Variants in RNF8 observed in about 807,000 individuals in gnomAD.
The protein encoded by RNF8 is ring finger protein 8.
Under a neutral mutation model 59.3 loss-of-function variants are expected in RNF8, and 8 were observed. The ratio of observed to expected loss-of-function variants is 0.13; its 90% CI spans 0.08 to 0.24. The LOEUF (loss-of-function observed/expected upper bound fraction) is 0.24. Ranked by LOEUF, RNF8 falls within the 10% of genes least tolerant of loss-of-function variation. The pLI is 1.00. For synonymous variants in RNF8, 162 were observed against 200.0 expected, an observed-to-expected ratio of 0.81 and a Z score of 1.60; for missense variants, 406 against 572.6, an observed-to-expected ratio of 0.71 and a Z score of 2.97.
Position 37,392,912 on chromosome 6 carries a change from C to A in RNF8, c.*2154C>A. Reference sequence around the variant, plus strand: ...AAAGCAATCCTACCACCTTGGCCTCCCAAAGTGCTGAGATTACAGGCATGA... The same window carrying A: ...AAAGCAATCCTACCACCTTGGCCTCACAAAGTGCTGAGATTACAGGCATGA... On this transcript the variant is annotated 3_prime_UTR_variant, in exon 8 of 8. Transcript: ENST00000373479. The A allele has an allele frequency of 3.4e-6, 1 of 298,022 alleles. No homozygotes were observed. The highest frequency in any genetic ancestry group is 5.4e-5 in the East Asian group (1 of 18,442). 18.5% of individuals were successfully genotyped at this position (298,022 alleles called of 1,614,324 possible).
In RNF8 at chr6:37,376,998, C is replaced by T; in HGVS notation, c.1201C>T (p.Leu401Phe). Residue 401 changes from leucine (L) to phenylalanine (F), a missense_variant, in exon 6 of 8, where the codon CTC (leucine) becomes TTC (phenylalanine). Coordinates refer to ENST00000373479, the MANE Select transcript of RNF8 (RefSeq NM_003958.4). ...CATGAATGATGTGCTAGAGAATGAGCTCCAATGTATTATTTGTTCAGAATA... is the reference window on the plus strand; with the variant it reads ...CATGAATGATGTGCTAGAGAATGAGTTCCAATGTATTATTTGTTCAGAATA... ...SHMNDVLENELQCIICSEYFI... is the reference protein window; with the variant it reads ...SHMNDVLENEFQCIICSEYFI... 6.2e-7 allele frequency: 1 copy of T among 1,608,272 alleles called. No homozygotes were observed. Among genetic ancestry groups the T allele is most frequent in the Non-Finnish European group, 8.5e-7 (1 of 1,176,298 alleles).
intron 6 of RNF8, among the ~76,000 whole-genome samples, chr6:37,380,667 TCTCAAAAAAAA>T (rs1246446914): frequency 1.4e-5 from 2 of 139,426 alleles, no homozygotes; most frequent in Admixed American, 1.4e-4. Flanking sequence ...TGAGACTCCG[TCTCAAAAAAAA>T]AAAAAAAAAT....
At chr6:37,367,604 G>C (rs1172462613) in intron 2 of RNF8, among the ~76,000 whole-genome samples, 1 of 152,126 alleles carries the variant, frequency 6.6e-6, no homozygotes, top group African/African-American at 2.4e-5. Context: ...TGGTCTCACT[G>C]TGTTGGCCAG....
chr6:37,355,491 G>T (rs759854940), intron 1 of RNF8, among the ~76,000 whole-genome samples: 1 of 152,028 alleles, frequency 6.6e-6, no homozygotes, highest in African/African-American at 2.4e-5. Context: ...TGGGGAGAGA[G>T]GATTTATACA....
intron 6 of RNF8, among the ~76,000 whole-genome samples, chr6:37,380,530 G>T (rs1415335518): frequency 6.6e-6 from 1 of 151,752 alleles, no homozygotes; most frequent in African/African-American, 2.4e-5. Context: ...AATTAGCCGG[G>T]TGTAGTGGCA....
intron 7 of RNF8, among the ~76,000 whole-genome samples, chr6:37,382,799 G>A (rs1396947774): frequency 6.6e-6 from 1 of 152,112 alleles, no homozygotes; most frequent in African/African-American, 2.4e-5. Flanking sequence ...CCAACATGGT[G>A]AAAGCCCGTC....
In RNF8 at chr6:37,394,720, T is replaced by C. The variant is rs1770814209; in HGVS notation, c.*3962T>C. ...TTGTACTCTGCATGTATTCAATAAA[T>C]TCAATTCAGCAATAGTTATCAAATG... On this transcript the variant is annotated 3_prime_UTR_variant, in exon 8 of 8. Coordinates refer to ENST00000373479, the MANE Select transcript of RNF8 (RefSeq NM_003958.4). The C allele has an allele frequency of 5.3e-5, 8 of 152,200 alleles. No individual in the cohort carries two copies. The highest frequency in any genetic ancestry group is 5.2e-4 in the Admixed American group (8 of 15,274). The allele number at this position is 152,200 out of a possible 1,614,324, so 9.4% of individuals were successfully genotyped here. A position where few individuals can be genotyped will look rare whatever the true frequency, so the allele number is the denominator to read the frequency against.
intron 2 of RNF8, among the ~76,000 whole-genome samples, chr6:37,366,336 A>G (rs1390033462): frequency 6.6e-6 from 1 of 152,148 alleles, no homozygotes; most frequent in Non-Finnish European, 1.5e-5. Context: ...ATAATCTAAA[A>G]TCGACTGTCC....
rs1295738013 is a variant in RNF8 at position 37,360,225 on chromosome 6, C to A, written c.112-221C>A. On this transcript the variant is annotated intron_variant, in intron 1 of 7. Coordinates refer to ENST00000373479, the MANE Select transcript of RNF8 (RefSeq NM_003958.4). The surrounding 1 kb of genome is among the most constrained non-coding windows in gnomAD (Gnocchi z 4.2). Reference sequence around the variant, plus strand: ...GCAACCCTGAGATACATGGATAACTCTTTTTCAGCTTTCTCTTGTTGTCAC... The same window carrying A: ...GCAACCCTGAGATACATGGATAACTATTTTTCAGCTTTCTCTTGTTGTCAC... Among the ~76,000 whole-genome samples the A allele has an allele frequency of 1.3e-5, 2 of 152,142 alleles. No individual in the cohort carries two copies.
intron 7 of RNF8, among the ~76,000 whole-genome samples, chr6:37,381,621 G>A (rs1325578434): frequency 6.6e-6 from 1 of 152,086 alleles, no homozygotes; most frequent in African/African-American, 2.4e-5. Context: ...ATGAAGATGT[G>A]ATTTAAAAAA....
At chr6:37,387,222 C>T (rs1770540912) in intron 7 of RNF8, among the ~76,000 whole-genome samples, 1 of 152,210 alleles carries the variant, frequency 6.6e-6, no homozygotes, top group African/African-American at 2.4e-5. Flanking sequence ...ACTAGACATG[C>T]TCCTTTTCCT....
At chr6:37,362,005 AGTAT>A (rs1458356449) in intron 2 of RNF8, among the ~76,000 whole-genome samples, 7 of 152,238 alleles carry the variant, frequency 4.6e-5, no homozygotes, top group Non-Finnish European at 8.8e-5. Flanking sequence ...GTATCAGTAA[AGTAT>A]GTAAGCAATT....
chr6:37,354,420 G>T, intron 1 of RNF8, 145 bp downstream of exon 1: 1 of 685,134 alleles, frequency 1.5e-6, no homozygotes, highest in South Asian at 1.9e-5. Flanking sequence ...CTGTGGGGGG[G>T]GTGGATTCCT....
intron 2 of RNF8, among the ~76,000 whole-genome samples, chr6:37,364,110 CG>C (rs1214124984): frequency 3.7e-5 from 5 of 135,678 alleles, no homozygotes; most frequent in Admixed American, 3.3e-4. Flanking sequence ...ACCTGGGAGG[CG>C]GAGCTTGCAG....
intron 2 of RNF8, among the ~76,000 whole-genome samples, chr6:37,365,801 A>C (rs961213683): frequency 1.3e-5 from 2 of 152,242 alleles, no homozygotes; most frequent in African/African-American, 4.8e-5. Context: ...CCTTGAACAG[A>C]GCATGATTAT....
At chr6:37,383,112 C>CT (rs1374760102) in intron 7 of RNF8, among the ~76,000 whole-genome samples, 4 of 152,182 alleles carry the variant, frequency 2.6e-5, no homozygotes, top group African/African-American at 7.2e-5. Flanking sequence ...GTGTCTCTCA[C>CT]TTTTTTGGTA....
intron 2 of RNF8, among the ~76,000 whole-genome samples, chr6:37,366,094 G>C (rs897874772): frequency 2.6e-5 from 4 of 152,206 alleles, no homozygotes; most frequent in African/African-American, 9.7e-5. Context: ...AACATATCGT[G>C]AAAGTTTGCC....
At chr6:37,377,553 C>G (rs1770074798) in intron 6 of RNF8, among the ~76,000 whole-genome samples, 2 of 152,174 alleles carry the variant, frequency 1.3e-5, no homozygotes, top group South Asian at 4.1e-4. Flanking sequence ...CCTTCACTGT[C>G]CTTTTTTGGC....
intron 3 of RNF8, 137 bp from the exon 4 acceptor site, chr6:37,371,372 CAGG>C (rs1326241788): frequency 1.6e-6 from 1 of 627,642 alleles, no homozygotes; most frequent in Admixed American, 2.9e-5. Flanking sequence ...TGAAGTAAAA[CAGG>C]AGATTTTCCA....
Sources: gnomAD v4.1 joint callset for allele counts (sites outside exome capture counted in the v4.1 genomes callset) on GRCh38, gnomAD v4.1.1 for gene constraint, Gnocchi (gnomAD v3.1) non-coding constraint, MANE v1.5 for transcripts, NCBI Gene and HGNC (gene_info 2026-07-23, HGNC 2026-07-21) for gene names.